The following SDK2 variants were observed in gnomAD, a reference collection of about 807,000 sequenced individuals.
SDK2 encodes the protein protein sidekick-2.
A neutral mutation model predicts 253.9 loss-of-function variants in SDK2; 105 were observed. That is an observed-to-expected ratio of 0.41 (90% CI 0.35 to 0.49). The LOEUF (loss-of-function observed/expected upper bound fraction) is 0.49. SDK2 is among the 20% of genes least tolerant of loss of function. The pLI is 0.06. For synonymous variants in SDK2, 1,249 were observed against 1,234.9 expected (o/e 1.01, Z -0.24); for missense variants, 2,608 against 3,003.0 (o/e 0.87, Z 3.07).
intron 2 of SDK2, among the ~76,000 whole-genome samples, chr17:73,491,716 G>A (rs1169349058): frequency 2.0e-5 from 3 of 152,160 alleles, no homozygotes; most frequent in Non-Finnish European, 2.9e-5. Flanking sequence ...TTTGTCCTCC[G>A]TGACTCAGTT....
chr17:73,509,899 C>CA (rs2063965639), intron 1 of SDK2, among the ~76,000 whole-genome samples: 1 of 17,388 alleles, frequency 5.8e-5, no homozygotes, highest in Non-Finnish European at 8.5e-5. Context: ...GACTCCATCT[C>CA]TACAAAAAAA....
At chr17:73,544,391 AC>A (rs1333469290) in intron 1 of SDK2, among the ~76,000 whole-genome samples, 13 of 152,220 alleles carry the variant, frequency 8.5e-5, no homozygotes, top group Non-Finnish European at 1.8e-4. Context: ...CTCCGTGAGG[AC>A]AGGGACTTGC....
chr17:73,371,899 G>T (rs935721947), intron 36 of SDK2, among the ~76,000 whole-genome samples: 2 of 151,676 alleles, frequency 1.3e-5, no homozygotes, highest in Admixed American at 1.3e-4. Context: ...GGTGGAGGCT[G>T]CAGTGAGCTG....
intron 2 of SDK2, among the ~76,000 whole-genome samples, chr17:73,475,667 A>G (rs1358657317): frequency 1.3e-5 from 2 of 152,260 alleles, no homozygotes; most frequent in Non-Finnish European, 2.9e-5. Context: ...GACACAGAGC[A>G]TGGAAAGAAA....
At chr17:73,542,944 G>A (rs551138749) in intron 1 of SDK2, among the ~76,000 whole-genome samples, 2 of 152,296 alleles carry the variant, frequency 1.3e-5, no homozygotes, top group South Asian at 4.1e-4. Flanking sequence ...TGGAGAGCGA[G>A]ACTCGGATCT....
At chr17:73,501,874 A>G (rs1445013141) in intron 2 of SDK2, among the ~76,000 whole-genome samples, 1 of 152,202 alleles carries the variant, frequency 6.6e-6, no homozygotes, top group African/African-American at 2.4e-5. Flanking sequence ...ACTGCGCCTG[A>G]TTCCAAGAAG....
In SDK2 at chr17:73,499,563, C is replaced by T. The variant is rs74737214; in HGVS notation, c.224+7875G>A. On this transcript the variant is annotated intron_variant, in intron 2 of 44. Transcript: ENST00000392650. ...AAGGGGGTCCTGCCTTCATGGCCCCCGGGGCAGAAGAATGACACACAGTGA... is the reference window on the plus strand; with the variant it reads ...AAGGGGGTCCTGCCTTCATGGCCCCTGGGGCAGAAGAATGACACACAGTGA... 1.1e-4 allele frequency among the ~76,000 whole-genome samples: 17 copies of T among 152,328 alleles called. No individual in the cohort carries two copies. In the South Asian group the frequency reaches 2.3e-3, roughly 20 times the overall value.
intron 1 of SDK2, among the ~76,000 whole-genome samples, chr17:73,573,392 A>G (rs1374007050): frequency 6.6e-6 from 1 of 152,114 alleles, no homozygotes; most frequent in Non-Finnish European, 1.5e-5. Context: ...ACCTGGCACT[A>G]GCAGGCCCAC....
intron 31 of SDK2, 80 bp downstream of exon 31, chr17:73,386,365 C>T: frequency 9.7e-7 from 1 of 1,031,124 alleles, no homozygotes. Context: ...TTGGAGGCCC[C>T]TCCCCCCGTA....
intron 1 of SDK2, among the ~76,000 whole-genome samples, chr17:73,593,746 T>C (rs2045716498): frequency 6.6e-6 from 1 of 152,218 alleles, no homozygotes; most frequent in Admixed American, 6.5e-5. Flanking sequence ...AGACACCAGC[T>C]GAAAGTGGCT....
intron 10 of SDK2, among the ~76,000 whole-genome samples, 182 bp downstream of exon 10, chr17:73,433,550 A>G (rs1437372031): frequency 3.9e-5 from 6 of 152,070 alleles, no homozygotes; most frequent in African/African-American, 1.4e-4. Flanking sequence ...CAACCTCCCA[A>G]GATGCTGGGA....
chr17:73,623,867 C>G (rs2046166121), intron 1 of SDK2, among the ~76,000 whole-genome samples: 1 of 152,226 alleles, frequency 6.6e-6, no homozygotes, highest in Non-Finnish European at 1.5e-5. Context: ...CCTGTGCTTT[C>G]CCCCTCCAGA....
At chr17:73,638,543 A>G (rs1445763091) in intron 1 of SDK2, among the ~76,000 whole-genome samples, 2 of 152,086 alleles carry the variant, frequency 1.3e-5, no homozygotes, top group African/African-American at 4.8e-5. Flanking sequence ...AAAGGCAGGA[A>G]CTTCAAGTGC....
intron 44 of SDK2, 66 bp downstream of exon 44, chr17:73,348,533 C>T: frequency 3.8e-6 from 6 of 1,568,536 alleles, no homozygotes; most frequent in South Asian, 1.2e-5. Flanking sequence ...CATCTACGTT[C>T]ACTGCCCCAC....
chr17:73,604,841 G>A (rs1237848839), intron 1 of SDK2, among the ~76,000 whole-genome samples: 1 of 152,218 alleles, frequency 6.6e-6, no homozygotes, highest in Non-Finnish European at 1.5e-5. Context: ...CAGCAGGCGT[G>A]GTGGGCGAGG....
chr17:73,437,148 TG>T (rs537417451), intron 8 of SDK2, among the ~76,000 whole-genome samples: 15 of 152,178 alleles, frequency 9.9e-5, no homozygotes, highest in Non-Finnish European at 2.1e-4. Context: ...AGACACATTT[TG>T]CCCCTTTGCT....
At position 73,413,595 on chromosome 17, in the gene SDK2, A is replaced by G. The variant is rs2063156693; in HGVS notation, c.2484+1049T>C. 1.3e-5 allele frequency among the ~76,000 whole-genome samples: 2 copies of G among 152,168 alleles called. 1 individual carries two copies. Among genetic ancestry groups the G allele is most frequent in the African/African-American group, 4.8e-5 (2 of 41,444 alleles). ...ATAGCAGCCCAAATGCATTTCTACG[A>G]CCACTAAAATCACTTTCCAAGTGGT... On this transcript the variant is annotated intron_variant, in intron 18 of 44. Coordinates refer to ENST00000392650, the MANE Select transcript of SDK2 (RefSeq NM_001144952.2).
chr17:73,394,215 G>T lies in SDK2; in HGVS notation c.3702C>A (p.Gly1234=). ...CTGGGATCCCGGGACTCACCTTATAGCCCAGCACGAGCCCGTTGCGATCAG... is the reference window on the plus strand; with the variant it reads ...CTGGGATCCCGGGACTCACCTTATATCCCAGCACGAGCCCGTTGCGATCAG... ...PEADRNGLVL[G]YKVMYKEKDS... is the part of the protein sequence containing the mutation. The change falls in exon 26 of 45, where the codon GGC becomes GGA. Residue 1234 remains glycine, a synonymous_variant. Coordinates refer to ENST00000392650, the MANE Select transcript of SDK2 (RefSeq NM_001144952.2). 6.4e-7 allele frequency: 1 copy of T among 1,568,938 alleles called. No individual in the cohort carries two copies. The highest frequency in any genetic ancestry group is 8.7e-7 in the Non-Finnish European group (1 of 1,153,168).
intron 2 of SDK2, among the ~76,000 whole-genome samples, chr17:73,500,577 TCTC>T (rs770413874): frequency 8.0e-5 from 11 of 138,006 alleles, no homozygotes; most frequent in Non-Finnish European, 1.1e-4. Context: ...CTCCCTCTGT[TCTC>T]CTCCATCCTC....
Sources: gnomAD v4.1 joint callset for allele counts (sites outside exome capture counted in the v4.1 genomes callset) on GRCh38, gnomAD v4.1.1 for gene constraint, MANE v1.5 for transcripts, NCBI Gene and HGNC (gene_info 2026-07-23, HGNC 2026-07-21) for gene names.